ARHGEF7: variants seen among roughly 807,000 people sequenced by gnomAD.
ARHGEF7 encodes the protein PAK-interacting exchange factor beta.
A neutral mutation model predicts 109.8 loss-of-function variants in ARHGEF7; 33 were observed. The ratio of observed to expected loss-of-function variants is 0.30; its 90% CI spans 0.23 to 0.40. The LOEUF is 0.40. ARHGEF7 is among the 10% of genes least tolerant of loss of function. The pLI is 1.00. For missense variants in ARHGEF7, 938 were observed against 1,098.5 expected, an observed-to-expected ratio of 0.85 and a Z score of 2.07; for synonymous variants, 458 against 424.6, an observed-to-expected ratio of 1.08 and a Z score of -0.97.
At chr13:111,158,937 C>T (rs1012835123) in intron 2 of ARHGEF7, 3 of 694,740 alleles carry the variant, frequency 4.3e-6, no homozygotes, top group Non-Finnish European at 5.4e-6. Context: ...ACTGTAGTCA[C>T]CTGCTGTACA....
At chr13:111,236,419 A>C (rs1458130933) in intron 6 of ARHGEF7, among the ~76,000 whole-genome samples, 1 of 152,050 alleles carries the variant, frequency 6.6e-6, no homozygotes, top group Non-Finnish European at 1.5e-5. Context: ...TTAAATTGAA[A>C]ACTGGATATC....
intron 2 of ARHGEF7, among the ~76,000 whole-genome samples, chr13:111,183,240 T>C (rs996602786): frequency 6.6e-6 from 1 of 152,192 alleles, no homozygotes; most frequent in Non-Finnish European, 1.5e-5. Context: ...ATGGCGCTTA[T>C]TTTGAAATAC....
intron 2 of ARHGEF7, among the ~76,000 whole-genome samples, chr13:111,175,231 A>G (rs1220793437): frequency 6.6e-6 from 1 of 152,224 alleles, no homozygotes; most frequent in Non-Finnish European, 1.5e-5. Context: ...TGGGTCCCAC[A>G]CTGTCTTAGA....
rs1262572515 is a variant in ARHGEF7, at chr13:111,304,763, A to T, written c.*1650A>T. On this transcript the variant is annotated 3_prime_UTR_variant, in exon 22 of 22. Transcript: ENST00000646102. ...GCGTGGACCTGCCCCATGCTGCAGA[A>T]CCTGGCCTCACCTGGACTTTTCACT... 6.6e-6 allele frequency: 1 copy of T among 152,268 alleles called. No homozygotes were observed. The highest frequency in any genetic ancestry group is 1.5e-5 in the Non-Finnish European group (1 of 68,068). The allele number at this position is 152,268 out of a possible 1,614,324, so 9.4% of individuals were successfully genotyped here.
At chr13:111,278,615 A>G (rs1474315888) in intron 13 of ARHGEF7, among the ~76,000 whole-genome samples, 2 of 152,216 alleles carry the variant, frequency 1.3e-5, no homozygotes, top group African/African-American at 4.8e-5. Flanking sequence ...CAGGAAAGTG[A>G]GGCTGTAGTT....
At chr13:111,227,897 C>T (rs2085433885) in intron 5 of ARHGEF7, among the ~76,000 whole-genome samples, 1 of 152,244 alleles carries the variant, frequency 6.6e-6, no homozygotes, top group African/African-American at 2.4e-5. Context: ...CCTTTACTCA[C>T]CTGTATCTTC....
At chr13:111,250,325 G>A (rs1001476657) in intron 8 of ARHGEF7, among the ~76,000 whole-genome samples, 5 of 152,192 alleles carry the variant, frequency 3.3e-5, no homozygotes, top group East Asian at 1.9e-4. Flanking sequence ...TGCATTCGGC[G>A]CTTGTGCACA....
At chr13:111,123,531 C>G (rs1432348667) in intron 1 of ARHGEF7, among the ~76,000 whole-genome samples, 2 of 152,068 alleles carry the variant, frequency 1.3e-5, no homozygotes, top group African/African-American at 4.8e-5. Context: ...GGGGACATGC[C>G]GATATATGTA....
rs978415859 is a variant in ARHGEF7, at chr13:111,272,645, G to A, written c.1074-1169G>A. On this transcript the variant is annotated intron_variant, in intron 9 of 21. Transcript: ENST00000646102. The surrounding 1 kb of genome is among the most constrained non-coding windows in gnomAD (Gnocchi z 5.2). Reference sequence around the variant, plus strand: ...GATGGGGCGTGGTGATGGGGCGGGGGTCACCTGGGTCTCCTGGATGGGATG... The same window carrying A: ...GATGGGGCGTGGTGATGGGGCGGGGATCACCTGGGTCTCCTGGATGGGATG... 6.6e-6 allele frequency among the ~76,000 whole-genome samples: 1 copy of A among 152,144 alleles called. No homozygotes were observed. Among genetic ancestry groups the A allele is most frequent in the Non-Finnish European group, 1.5e-5 (1 of 68,024 alleles).
intron 8 of ARHGEF7, among the ~76,000 whole-genome samples, chr13:111,254,470 CAT>C (rs2090188744): frequency 7.0e-6 from 1 of 142,492 alleles, no homozygotes; most frequent in African/African-American, 2.7e-5. Context: ...GAGTCGCTAA[CAT>C]GAAGGCCGGC....
At chr13:111,187,576 A>G (rs376372105) in intron 2 of ARHGEF7, among the ~76,000 whole-genome samples, 59 of 152,336 alleles carry the variant, frequency 3.9e-4, no homozygotes, top group African/African-American at 1.3e-3. Flanking sequence ...TCTTTATTAT[A>G]TGAAGTATTT....
chr13:111,211,396 C>T (rs767296078), intron 4 of ARHGEF7, among the ~76,000 whole-genome samples: 17 of 151,924 alleles, frequency 1.1e-4, no homozygotes, highest in Non-Finnish European at 2.2e-4. Flanking sequence ...CAATTTTCAT[C>T]TGATTTTTTT....
At chr13:111,201,483 A>G (rs1458857246) in intron 2 of ARHGEF7, among the ~76,000 whole-genome samples, 1 of 152,182 alleles carries the variant, frequency 6.6e-6, no homozygotes, top group East Asian at 1.9e-4. Context: ...GAGAGGGCTG[A>G]CCTGTAAGTC....
intron 18 of ARHGEF7, 81 bp from the exon 19 acceptor site, chr13:111,292,037 A>T: frequency 8.3e-7 from 1 of 1,199,856 alleles, no homozygotes. Flanking sequence ...CTTTTGTTCC[A>T]TGTTTTGGTT....
intron 1 of ARHGEF7, among the ~76,000 whole-genome samples, chr13:111,133,084 A>T (rs1307965183): frequency 6.6e-6 from 1 of 152,194 alleles, no homozygotes. Context: ...GTATATACAC[A>T]TGCATATATA....
chr13:111,225,370 A>C (rs1379046348), intron 5 of ARHGEF7, among the ~76,000 whole-genome samples: 1 of 152,068 alleles, frequency 6.6e-6, no homozygotes, highest in Non-Finnish European at 1.5e-5. Context: ...ACCCACTCCC[A>C]CAGCCCTGAT....
At chr13:111,153,741 G>T in intron 1 of ARHGEF7, 164 bp from the exon 2 acceptor site, 1 of 1,339,720 alleles carries the variant, frequency 7.5e-7, no homozygotes, top group Non-Finnish European at 9.5e-7. Context: ...AGCAGCGGCT[G>T]AGCGGGTTGG....
chr13:111,133,178 CGTGTATGTAT>C (rs1036570230), intron 1 of ARHGEF7, among the ~76,000 whole-genome samples: 6 of 151,718 alleles, frequency 4.0e-5, no homozygotes, highest in African/African-American at 1.5e-4. Context: ...TATATGTGCA[CGTGTATGTAT>C]GTGTATATAT....
At chr13:111,164,689 C>T (rs1002825400) in intron 2 of ARHGEF7, among the ~76,000 whole-genome samples, 3 of 152,200 alleles carry the variant, frequency 2.0e-5, no homozygotes, top group Admixed American at 6.5e-5. Flanking sequence ...GCCTAGGCCC[C>T]ATTATGAAGT....
Sources: allele counts gnomAD v4.1 joint callset (sites outside exome capture counted in the v4.1 genomes callset), GRCh38; gene constraint gnomAD v4.1.1; non-coding constraint Gnocchi (gnomAD v3.1); transcripts MANE v1.5; gene names NCBI Gene and HGNC (gene_info 2026-07-23, HGNC 2026-07-21).